Variants in FGD4 observed in about 807,000 individuals in gnomAD.
The protein encoded by FGD4 is FYVE, RhoGEF and PH domain-containing protein 4.
FGD4 carries 42 observed loss-of-function variants against 102.0 expected under a neutral mutation model. That is an observed-to-expected ratio of 0.41 (90% CI 0.32 to 0.53). The LOEUF (loss-of-function observed/expected upper bound fraction) is 0.53. Ranked by LOEUF, FGD4 falls within the 20% of genes least tolerant of loss-of-function variation. The pLI, the probability that FGD4 is intolerant of heterozygous loss-of-function variation, is 0.21. For synonymous variants in FGD4, 380 were observed against 375.7 expected (o/e 1.01, Z -0.13); for missense variants, 902 against 1,078.2 (o/e 0.84, Z 2.29).
In FGD4 at chr12:32,515,160, A is replaced by C. The variant is rs550923386; in HGVS notation, c.167-48977A>C. Among the ~76,000 whole-genome samples the C allele has an allele frequency of 5.5e-4, 84 of 152,294 alleles. 2 individuals carry two copies. In the South Asian group the frequency reaches 0.016, roughly 29 times the overall value. The stretch of plus-strand genomic sequence containing the variant: ...TTACCAATCCCATTTCAACAATGGG[A>C]AGATAAGGAGTGGCACAACACCATG... On this transcript the variant is annotated intron_variant, in intron 1 of 16. Transcript: ENST00000534526.
At chr12:32,466,240 G>A (rs1286598342) in intron 1 of FGD4, among the ~76,000 whole-genome samples, 1 of 152,110 alleles carries the variant, frequency 6.6e-6, no homozygotes, top group Non-Finnish European at 1.5e-5. Context: ...TGTTTTGGTG[G>A]TCTGGAACTG....
chr12:32,483,603 G>A (rs1257025702), intron 1 of FGD4, among the ~76,000 whole-genome samples: 1 of 152,206 alleles, frequency 6.6e-6, no homozygotes, highest in Non-Finnish European at 1.5e-5. Flanking sequence ...TAGCAGTGCA[G>A]GACAGTTCCA....
At chr12:32,549,407 G>T (rs1209712721) in intron 1 of FGD4, among the ~76,000 whole-genome samples, 4 of 152,142 alleles carry the variant, frequency 2.6e-5, no homozygotes, top group Admixed American at 2.6e-4. Context: ...AAGTTATCTA[G>T]GATCTTATTG....
intron 1 of FGD4, among the ~76,000 whole-genome samples, chr12:32,435,170 C>T (rs1319457488): frequency 2.0e-5 from 3 of 152,016 alleles, no homozygotes; most frequent in South Asian, 2.1e-4. Context: ...CTCGAACTCC[C>T]GACTTCAGGT....
chr12:32,546,734 GTC>G (rs373968215), intron 1 of FGD4, among the ~76,000 whole-genome samples: 8 of 152,328 alleles, frequency 5.3e-5, no homozygotes, highest in African/African-American at 1.9e-4. Context: ...ATGTCGAAGA[GTC>G]TACAATGGTG....
At position 32,518,402 on chromosome 12, in the gene FGD4, C is replaced by T. The variant is rs148504225; in HGVS notation, c.167-45735C>T. On this transcript the variant is annotated intron_variant, in intron 1 of 16. Transcript: ENST00000534526. ...CTGAGGCAGGACAATCGCTTGAACC[C>T]GGTAGTCGGAGGTTGTGGTGAGCCA... 2.5e-4 allele frequency among the ~76,000 whole-genome samples: 38 copies of T among 152,120 alleles called. No individual in the cohort carries two copies. The East Asian group carries it at 3.1e-3, about 12-fold the overall frequency.
Position 32,563,964 on chromosome 12 carries a change from T to TCGGCTCGGCATCAGAGGGAGAC in FGD4, c.167-170_167-149dup, listed in dbSNP as rs1944948499. On this transcript the variant is annotated intron_variant, in intron 1 of 16. Transcript: ENST00000534526. Reference sequence around the variant, plus strand: ...GAGATGGCAGCAGTACAGTCCAGCTTCGGCTCGGCATCAGAGGGAGACCGT... The same window carrying TCGGCTCGGCATCAGAGGGAGAC: ...GAGATGGCAGCAGTACAGTCCAGCTTCGGCTCGGCATCAGAGGGAGACCGGCTCGGCATCAGAGGGAGACCGT... Among the ~76,000 whole-genome samples the TCGGCTCGGCATCAGAGGGAGAC allele has an allele frequency of 5.1e-5, 7 of 137,606 alleles. No individual in the cohort carries two copies. The South Asian group carries it at 1.7e-3, about 34-fold the overall frequency. The allele number at this position is 137,606 out of a possible 152,430, so 90.3% of individuals were successfully genotyped here.
At chr12:32,535,977 A>G (rs986748015) in intron 1 of FGD4, among the ~76,000 whole-genome samples, 6 of 152,176 alleles carry the variant, frequency 3.9e-5, no homozygotes, top group Non-Finnish European at 2.9e-5. Context: ...TTAAACTGAG[A>G]AGACAGTAAT....
chr12:32,439,512 C>G lies in FGD4; in HGVS notation c.166+39553C>G, dbSNP rs556411644. Among the ~76,000 whole-genome samples, 41 of 152,266 alleles carry G rather than the reference C, an allele frequency of 2.7e-4. No homozygotes were observed. The South Asian group carries it at 7.5e-3, about 28-fold the overall frequency. ...GAGATTGCTGGATTATATGGCCATT[C>G]TATTTATAATTTTTTGAAGAACCTT... is the stretch of plus-strand genomic sequence containing the variant. On this transcript the variant is annotated intron_variant, in intron 1 of 16. Transcript: ENST00000534526.
chr12:32,617,597 C>T (rs1036876504), intron 10 of FGD4, among the ~76,000 whole-genome samples: 19 of 152,206 alleles, frequency 1.2e-4, no homozygotes, highest in Non-Finnish European at 2.6e-4. Flanking sequence ...CCTCGCTAGT[C>T]TGAGATTGCT....
At chr12:32,520,432 TG>T (rs200358361) in intron 1 of FGD4, among the ~76,000 whole-genome samples, 20,641 of 126,460 alleles carry the variant, frequency 0.16, 1,504 homozygotes, top group Middle Eastern at 0.27. Context: ...TGGGTTTTTT[TG>T]TTTTTTGTTT....
At chr12:32,612,188 G>A (rs1949182990) in intron 10 of FGD4, among the ~76,000 whole-genome samples, 1 of 152,252 alleles carries the variant, frequency 6.6e-6, no homozygotes, top group Admixed American at 6.5e-5. Flanking sequence ...AGCAGTGGAA[G>A]CCACTTGCAG....
intron 10 of FGD4, among the ~76,000 whole-genome samples, chr12:32,611,914 T>C (rs1191844190): frequency 6.6e-6 from 1 of 152,188 alleles, no homozygotes; most frequent in Non-Finnish European, 1.5e-5. Context: ...GGAAGCCCCC[T>C]GTACCCCTGC....
rs776341846 is a variant in FGD4, at chr12:32,486,345, G to A, written c.167-77792G>A. ...TCAGTGCTGTGGTTTTAGCACAAAG[G>A]TGTGCTTTTTCTTATCTTCATGATC... On this transcript the variant is annotated intron_variant, in intron 1 of 16. Coordinates refer to ENST00000534526, the MANE Select transcript of FGD4 (RefSeq NM_001370298.3). Among the ~76,000 whole-genome samples, 135 of 152,302 alleles carry A rather than the reference G, an allele frequency of 8.9e-4. 2 individuals are homozygous for A. The highest frequency in any genetic ancestry group is 1.9e-3 in the South Asian group (9 of 4,824).
chr12:32,608,125 T>C, intron 8 of FGD4, 30 bp downstream of exon 8: 1 of 1,613,852 alleles, frequency 6.2e-7, no homozygotes, highest in Non-Finnish European at 8.5e-7. Context: ...TTTCTCCCTA[T>C]TTTGGAATAA....
intron 1 of FGD4, among the ~76,000 whole-genome samples, chr12:32,446,797 G>A (rs969528826): frequency 2.6e-5 from 4 of 152,156 alleles, no homozygotes; most frequent in South Asian, 2.1e-4. Context: ...TGCCTAGAGC[G>A]CGTAGAGATA....
At position 32,416,121 on chromosome 12, in the gene FGD4, A is replaced by G. The variant is rs943632761; in HGVS notation, c.166+16162A>G. Among the ~76,000 whole-genome samples, 29 of 152,044 alleles carry G rather than the reference A, an allele frequency of 1.9e-4. 1 individual carries two copies. The highest frequency in any genetic ancestry group is 7.4e-5 in the Non-Finnish European group (5 of 68,012). The stretch of plus-strand genomic sequence containing the variant: ...AGTGATCCTTTTCTTCAGCCTTCCA[A>G]GTAAAGTAGCTGGGACTACAGGTGT... On this transcript the variant is annotated intron_variant, in intron 1 of 16. Coordinates refer to ENST00000534526, the MANE Select transcript of FGD4 (RefSeq NM_001370298.3).
intron 1 of FGD4, among the ~76,000 whole-genome samples, chr12:32,453,237 A>AT (rs60006767): frequency 0.079 from 7,183 of 90,434 alleles, 419 homozygotes; most frequent in African/African-American, 0.2. Context: ...ATATATATAT[A>AT]TTTTTTTTTT....
chr12:32,582,197 T>C lies in FGD4; in HGVS notation c.741T>C (p.Leu247=). 3 of 1,614,206 alleles carry C rather than the reference T, an allele frequency of 1.9e-6. No individual in the cohort carries two copies. The highest frequency in any genetic ancestry group is 2.5e-6 in the Non-Finnish European group (3 of 1,180,036). ...MECEEEKAAT[L]SSDTSIQASE... ...GTGAGGAGGAGAAAGCTGCCACTCT[T>C]AGCTCAGATACTTCTATTCAAGCTT... Residue 247 remains leucine, a synonymous_variant, in exon 4 of 17, where the codon CTT becomes CTC. Coordinates refer to ENST00000534526, the MANE Select transcript of FGD4 (RefSeq NM_001370298.3).
Sources: allele counts gnomAD v4.1 joint callset (sites outside exome capture counted in the v4.1 genomes callset), GRCh38; gene constraint gnomAD v4.1.1; transcripts MANE v1.5; gene names NCBI Gene and HGNC (gene_info 2026-07-23, HGNC 2026-07-21).